The following ERC1 variants were observed in gnomAD, a reference collection of about 807,000 sequenced individuals.
The protein encoded by ERC1 is RAB6 interacting protein 2.
A neutral mutation model predicts 132.0 loss-of-function variants in ERC1; 56 were observed. The ratio of observed to expected loss-of-function variants is 0.42; its 90% CI spans 0.34 to 0.53. The LOEUF is 0.53. Ranked by LOEUF, ERC1 falls within the 20% of genes least tolerant of loss-of-function variation. The pLI, the probability that ERC1 is intolerant of heterozygous loss-of-function variation, is 0.03. For synonymous variants in ERC1, 478 were observed against 476.1 expected, an observed-to-expected ratio of 1.00 and a Z score of -0.05; for missense variants, 1,202 against 1,349.9, an observed-to-expected ratio of 0.89 and a Z score of 1.72.
At chr12:1,352,999 C>T (rs1016776214) in intron 15 of ERC1, among the ~76,000 whole-genome samples, 4 of 150,190 alleles carry the variant, frequency 2.7e-5, no homozygotes, top group African/African-American at 9.8e-5. Context: ...TTATTGGGTA[C>T]GAGAAGCAAT....
chr12:1,440,360 A>G (rs113144819), intron 17 of ERC1, among the ~76,000 whole-genome samples: 9,540 of 145,920 alleles, frequency 0.065, 498 homozygotes, highest in African/African-American at 0.11. Context: ...GCCCGCCACC[A>G]CGCCCGGCTA....
Position 1,495,854 on chromosome 12 carries a change from T to C in ERC1, c.*5624T>C, listed in dbSNP as rs1242195990. ...ATATTCAACTTTGCCTTGATAATTA[T>C]TGTAAACACTTTGTTCATTTTTTCT... On this transcript the variant is annotated 3_prime_UTR_variant, in exon 19 of 19. Transcript: ENST00000360905. 1.0e-5 allele frequency: 2 copies of C among 199,062 alleles called. No individual in the cohort carries two copies. Among genetic ancestry groups the C allele is most frequent in the African/African-American group, 4.6e-5 (2 of 43,338 alleles). 12.3% of individuals were successfully genotyped at this position (199,062 alleles called of 1,614,324 possible).
chr12:1,424,846 A>ATAGATAGATAGATAGCTAGCTAGC (rs2092570155), intron 17 of ERC1, among the ~76,000 whole-genome samples: 1 of 109,444 alleles, frequency 9.1e-6, no homozygotes, highest in African/African-American at 4.4e-5. Context: ...TAGATAGATG[A>ATAGATAGATAGATAGCTAGCTAGC]TAGATAGATA....
In ERC1 at chr12:1,133,610, A is replaced by C. The variant is rs141305795; in HGVS notation, c.1570-8010A>C. ...TTTTCTTTTAACTGAATCAATATTC[A>C]GTCTGTTCTGACACTTCCCTTTTGG... On this transcript the variant is annotated intron_variant, in intron 7 of 18. Coordinates refer to ENST00000360905, the MANE Select transcript of ERC1 (RefSeq NM_178040.4). 7.5e-3 allele frequency among the ~76,000 whole-genome samples: 1,135 copies of C among 152,318 alleles called. 12 individuals carry two copies. The highest frequency in any genetic ancestry group is 0.026 in the African/African-American group (1,074 of 41,562).
intron 8 of ERC1, among the ~76,000 whole-genome samples, chr12:1,145,802 A>T (rs1046056022): frequency 5.9e-5 from 9 of 152,302 alleles, no homozygotes; most frequent in African/African-American, 2.2e-4. Flanking sequence ...CTTGCCAGTT[A>T]TCCCAGCACC....
intron 16 of ERC1, among the ~76,000 whole-genome samples, chr12:1,382,150 GATAA>G (rs1328342126): frequency 6.6e-6 from 1 of 152,146 alleles, no homozygotes; most frequent in Non-Finnish European, 1.5e-5. Context: ...CAACTCTGTT[GATAA>G]ATAAGTATAT....
chr12:990,738 G>C (rs1232953971), upstream of ERC1: 3 of 152,228 alleles, frequency 2.0e-5, no homozygotes, highest in Non-Finnish European at 4.4e-5. Context: ...TCCCGGCGCT[G>C]CTCCCGCGGC....
intron 15 of ERC1, among the ~76,000 whole-genome samples, chr12:1,303,111 G>T (rs1489488952): frequency 1.3e-5 from 2 of 152,132 alleles, no homozygotes; most frequent in Admixed American, 6.5e-5. Flanking sequence ...TGATCTTTTT[G>T]CTGGTGGAGG....
At chr12:1,339,745 G>A (rs1157932251) in intron 15 of ERC1, among the ~76,000 whole-genome samples, 1 of 152,182 alleles carries the variant, frequency 6.6e-6, no homozygotes, top group East Asian at 1.9e-4. Flanking sequence ...GTTACTGGTG[G>A]GGACAGGTCT....
At chr12:1,066,558 T>C (rs34999895) in intron 2 of ERC1, among the ~76,000 whole-genome samples, 34,587 of 152,062 alleles carry the variant, frequency 0.23, 4,357 homozygotes, top group Middle Eastern at 0.28. Context: ...ACCTAGAGGC[T>C]GGGTGCGGTG....
At chr12:999,583 G>A (rs1469092788) in intron 1 of ERC1, among the ~76,000 whole-genome samples, 2 of 147,214 alleles carry the variant, frequency 1.4e-5, no homozygotes, top group Non-Finnish European at 3.0e-5. Context: ...CTGCCAGGTT[G>A]CAAGCATTGA....
intron 15 of ERC1, among the ~76,000 whole-genome samples, chr12:1,341,218 T>G (rs1006779030): frequency 2.0e-5 from 3 of 150,854 alleles, no homozygotes; most frequent in Non-Finnish European, 4.4e-5. Flanking sequence ...CTCAGCCTCC[T>G]GAGTAGCTGG....
At chr12:1,024,391 A>C (rs1419452219) in intron 1 of ERC1, among the ~76,000 whole-genome samples, 1 of 151,830 alleles carries the variant, frequency 6.6e-6, no homozygotes, top group African/African-American at 2.4e-5. Context: ...ACAAACAAAA[A>C]CACAAAACAT....
intron 18 of ERC1, among the ~76,000 whole-genome samples, chr12:1,466,026 T>C (rs919822837): frequency 2.6e-5 from 4 of 152,162 alleles, no homozygotes; most frequent in African/African-American, 9.7e-5. Context: ...CCTTCCAGTG[T>C]ATAAACTGAT....
chr12:1,064,431 A>G (rs1348034084), intron 2 of ERC1, among the ~76,000 whole-genome samples: 1 of 151,862 alleles, frequency 6.6e-6, no homozygotes, highest in African/African-American at 2.4e-5. Flanking sequence ...GTCTTGCTCC[A>G]TTGCCCAGGC....
intron 16 of ERC1, among the ~76,000 whole-genome samples, chr12:1,406,269 G>A (rs2091482661): frequency 6.6e-6 from 1 of 152,100 alleles, no homozygotes; most frequent in African/African-American, 2.4e-5. Context: ...CAGGCAATTT[G>A]GCTCTTTTAA....
chr12:1,098,415 C>G (rs940821024), intron 3 of ERC1, among the ~76,000 whole-genome samples: 4 of 152,180 alleles, frequency 2.6e-5, no homozygotes, highest in Admixed American at 1.3e-4. Flanking sequence ...AGAAAGCTAA[C>G]TAGAGGCTGT....
chr12:1,488,832 T>G (rs1404777848), intron 18 of ERC1, among the ~76,000 whole-genome samples: 1 of 152,188 alleles, frequency 6.6e-6, no homozygotes, highest in African/African-American at 2.4e-5. Flanking sequence ...CTCCTTTTAG[T>G]CCTGCCTTTT....
At chr12:1,120,433 T>G (rs994570118) in intron 7 of ERC1, among the ~76,000 whole-genome samples, 1 of 152,242 alleles carries the variant, frequency 6.6e-6, no homozygotes, top group African/African-American at 2.4e-5. Flanking sequence ...TTATTGTTGT[T>G]TTGCTTTTAT....
Sources: allele counts gnomAD v4.1 joint callset (sites outside exome capture counted in the v4.1 genomes callset), GRCh38; gene constraint gnomAD v4.1.1; transcripts MANE v1.5; gene names NCBI Gene and HGNC (gene_info 2026-07-23, HGNC 2026-07-21).